The following TMLHE variants were observed in gnomAD, a reference collection of about 807,000 sequenced individuals.
TMLHE encodes trimethyllysine dioxygenase, mitochondrial.
In TMLHE, 18 loss-of-function variants were observed where a neutral mutation model predicts 25.7. The observed-to-expected ratio is 0.70, with a 90% CI of 0.48 to 1.04. The LOEUF (loss-of-function observed/expected upper bound fraction) is 1.04. TMLHE is among the 50% of genes least tolerant of loss of function. The probability of loss-of-function intolerance (pLI) is 0.00; values close to 1 mark genes in which losing one functional copy is unlikely to be tolerated. For synonymous variants in TMLHE, 105 were observed against 97.0 expected (o/e 1.08, Z -0.49); for missense variants, 236 against 259.0 (o/e 0.91, Z 0.61).
chrX:155,560,058 T>TG (rs2067484434), intron 1 of TMLHE, among the ~76,000 whole-genome samples: 1 of 112,385 alleles, frequency 8.9e-6, no homozygotes, highest in African/African-American at 3.2e-5. Flanking sequence ...ATTTCTTTAA[T>TG]TATTTTTCTT....
At chrX:155,547,959 C>G (rs889394578) in intron 1 of TMLHE, among the ~76,000 whole-genome samples, 2 of 111,120 alleles carry the variant, frequency 1.8e-5, no homozygotes, top group African/African-American at 3.3e-5. Flanking sequence ...AACAAAGTCT[C>G]TCCTCCCCCA....
chrX:155,546,156 A>C (rs782624633), intron 1 of TMLHE, among the ~76,000 whole-genome samples: 18 of 111,010 alleles, frequency 1.6e-4, no homozygotes, highest in African/African-American at 5.6e-4. Flanking sequence ...CTTTACTGTG[A>C]GGACTAAAAT....
At position 155,507,119 on chromosome X, in the gene TMLHE, A is replaced by G. The variant is rs374744086; in HGVS notation, c.774T>C (p.His258=). The G allele has an allele frequency of 8.3e-6, 10 of 1,202,625 alleles. No individual in the cohort carries two copies. In the Admixed American group the frequency reaches 8.7e-5, roughly 10 times the overall value. ...FQEPCGIQVF[H]CLKHEGTGGR... is the part of the protein sequence containing the mutation. ...CACCAGTTCCTTCATGTTTAAGACA[A>G]TGAAACACTTGAATGCTAAAGAGAG... The change falls in exon 6 of 8, where the codon CAT becomes CAC. Residue 258 remains histidine (H), a synonymous_variant. Coordinates refer to ENST00000334398, the MANE Select transcript of TMLHE (RefSeq NM_018196.4).
Position 155,581,997 on chromosome X carries a change from C to A in TMLHE, c.-2+30795G>T, listed in dbSNP as rs781985310. Among the ~76,000 whole-genome samples, 37 of 111,759 alleles carry A rather than the reference C, an allele frequency of 3.3e-4. No individual in the cohort carries two copies. The South Asian group carries it at 0.013, about 41-fold the overall frequency. On this transcript the variant is annotated intron_variant, in intron 1 of 7. Coordinates refer to ENST00000334398, the MANE Select transcript of TMLHE (RefSeq NM_018196.4). ...AGAGATATAGACCAAGGGAACAGAA[C>A]AGAGCCCTCAGAAATAATACCACAC...
intron 1 of TMLHE, among the ~76,000 whole-genome samples, chrX:155,547,250 T>A (rs1037780384): frequency 1.8e-4 from 16 of 91,166 alleles, no homozygotes; most frequent in African/African-American, 5.9e-4. Flanking sequence ...GTTCACGCCA[T>A]TCTCCTGCCT....
rs1384827073 is a variant in TMLHE at position 155,562,011 on chromosome X, T to C, written c.-1-16734A>G. Among the ~76,000 whole-genome samples the C allele has an allele frequency of 1.8e-4, 11 of 62,116 alleles. 1 individual carries two copies. The highest frequency in any genetic ancestry group is 3.9e-4 in the African/African-American group (11 of 28,027). 53.9% of individuals were successfully genotyped at this position (62,116 alleles called of 115,157 possible). A position where few individuals can be genotyped will look rare whatever the true frequency, so the allele number is the denominator to read the frequency against. On this transcript the variant is annotated intron_variant, in intron 1 of 7. Coordinates refer to ENST00000334398, the MANE Select transcript of TMLHE (RefSeq NM_018196.4). Reference sequence around the variant, plus strand: ...ATCTACCATTCTGGGGTCTGGAGGATGGTGGCCCTCTTCTCATGGCTCCAC... The same window carrying C: ...ATCTACCATTCTGGGGTCTGGAGGACGGTGGCCCTCTTCTCATGGCTCCAC...
intron 5 of TMLHE, among the ~76,000 whole-genome samples, chrX:155,510,544 C>A (rs1295006227): frequency 9.2e-6 from 1 of 108,550 alleles, no homozygotes; most frequent in Non-Finnish European, 1.9e-5. Flanking sequence ...ATGATGGTTT[C>A]CAGCTCCATC....
At chrX:155,557,004 G>A (rs1341793299) in intron 1 of TMLHE, among the ~76,000 whole-genome samples, 1 of 112,277 alleles carries the variant, frequency 8.9e-6, no homozygotes, top group Non-Finnish European at 1.9e-5. Context: ...CAGAGTTTAA[G>A]GTTATCTCTC....
At chrX:155,515,614 C>A (rs1569561897) in intron 3 of TMLHE, among the ~76,000 whole-genome samples, 1 of 111,529 alleles carries the variant, frequency 9.0e-6, no homozygotes, top group Non-Finnish European at 1.9e-5. Flanking sequence ...CATATGTGTC[C>A]ATCAAAATGG....
intron 1 of TMLHE, among the ~76,000 whole-genome samples, chrX:155,554,526 CT>C (rs1226780591): frequency 9.1e-6 from 1 of 109,507 alleles, no homozygotes; most frequent in Non-Finnish European, 1.9e-5. Context: ...AAAGGTAATA[CT>C]TTTTTTTTCT....
intron 1 of TMLHE, among the ~76,000 whole-genome samples, chrX:155,592,194 G>A (rs1417769303): frequency 1.8e-5 from 2 of 111,822 alleles, no homozygotes; most frequent in African/African-American, 6.5e-5. Context: ...GGGGCTGGGT[G>A]CAGGGGAGGG....
intron 1 of TMLHE, among the ~76,000 whole-genome samples, chrX:155,598,695 A>T (rs1462484572): frequency 1.8e-5 from 2 of 110,594 alleles, no homozygotes; most frequent in Admixed American, 1.9e-4. Context: ...TAAAACTTAA[A>T]GTATAATAAT....
chrX:155,548,458 GGGCACGGTGGCT>G (rs2067372402), intron 1 of TMLHE, among the ~76,000 whole-genome samples: 2 of 110,859 alleles, frequency 1.8e-5, no homozygotes, highest in Non-Finnish European at 3.8e-5. Context: ...CCTACAGGCT[GGGCACGGTGGCT>G]CATGCCTGAA....
At chrX:155,548,419 G>C (rs962001852) in intron 1 of TMLHE, among the ~76,000 whole-genome samples, 4 of 111,739 alleles carry the variant, frequency 3.6e-5, no homozygotes, top group African/African-American at 6.5e-5. Flanking sequence ...AACTGACAAA[G>C]TATTAATATC....
intron 2 of TMLHE, among the ~76,000 whole-genome samples, chrX:155,534,026 A>G (rs906379010): frequency 8.9e-6 from 1 of 111,901 alleles, no homozygotes; most frequent in Non-Finnish European, 1.9e-5. Context: ...TGATAAGGAG[A>G]TAAGTGTGTG....
Position 155,507,036 on chromosome X carries a change from G to A in TMLHE, c.857C>T (p.Pro286Leu). 5 of 1,209,608 alleles carry A rather than the reference G, an allele frequency of 4.1e-6. No individual in the cohort carries two copies. Among genetic ancestry groups the A allele is most frequent in the Non-Finnish European group, 4.5e-6 (4 of 894,187 alleles). ...YAAEQVLQKAPEEFELLSKVP... is the reference protein window; with the variant it reads ...YAAEQVLQKALEEFELLSKVP... ...TTTACTGAGGAGTTCAAATTCCTCA[G>A]GTGCCTTTTGAAGTACCTGTTCTGC... The change falls in exon 6 of 8, where the codon CCT becomes CTT. Residue 286 changes from proline to leucine, a missense_variant. Transcript: ENST00000334398.
chrX:155,591,238 A>G (rs1282406946), intron 1 of TMLHE, among the ~76,000 whole-genome samples: 1 of 111,904 alleles, frequency 8.9e-6, no homozygotes, highest in Non-Finnish European at 1.9e-5. Flanking sequence ...TGCAACAATA[A>G]TAGATGAAAA....
intron 2 of TMLHE, among the ~76,000 whole-genome samples, chrX:155,532,685 G>GTGTT (rs1472884932): frequency 1.9e-5 from 2 of 107,325 alleles, no homozygotes; most frequent in Non-Finnish European, 3.9e-5. Context: ...GTGTGTGTGT[G>GTGTT]TGTGTGTGTG....
chrX:155,602,444 C>T (rs1235189990), intron 1 of TMLHE, among the ~76,000 whole-genome samples: 1 of 111,484 alleles, frequency 9.0e-6, no homozygotes, highest in Non-Finnish European at 1.9e-5. Flanking sequence ...GCACAGCTAA[C>T]ATCACATTTA....
Sources: allele counts gnomAD v4.1 joint callset (sites outside exome capture counted in the v4.1 genomes callset), GRCh38; gene constraint gnomAD v4.1.1; transcripts MANE v1.5; gene names NCBI Gene and HGNC (gene_info 2026-07-23, HGNC 2026-07-21).